Variants in NRG4 observed in about 807,000 individuals in gnomAD.
NRG4 encodes pro-neuregulin-4, membrane-bound isoform.
A neutral mutation model predicts 15.0 loss-of-function variants in NRG4; 10 were observed. The observed-to-expected ratio is 0.67, with a 90% confidence interval of 0.41 to 1.13. The LOEUF (loss-of-function observed/expected upper bound fraction) is 1.13. NRG4 is among the 50% of genes most tolerant of loss of function. The pLI, the probability that NRG4 is intolerant of heterozygous loss-of-function variation, is 0.00. For synonymous variants in NRG4, 41 were observed against 50.1 expected (o/e 0.82, Z 0.77); for missense variants, 139 against 140.2 (o/e 0.99, Z 0.04).
In NRG4 at chr15:75,943,518, G is replaced by T; in HGVS notation, c.*120C>A. 1 of 683,702 alleles carries T rather than the reference G, an allele frequency of 1.5e-6. No homozygotes were observed. The allele number at this position is 683,702 out of a possible 1,614,324, so 42.4% of individuals were successfully genotyped here. On this transcript the variant is annotated 3_prime_UTR_variant, in exon 6 of 6. Transcript: ENST00000394907. ...GAATGGATTATGGTTCATGATACGA[G>T]TTACACAAGCGTTTTATTTAAGAAA...
chr15:76,017,304 C>G (rs1030968281), upstream of NRG4, among the ~76,000 whole-genome samples: 10 of 151,882 alleles, frequency 6.6e-5, no homozygotes, highest in Admixed American at 2.6e-4. Context: ...GTTTGCCAGT[C>G]TGTGTCTTTT....
At chr15:75,979,730 A>ATACTGTATTTT (rs1344207763) in intron 3 of NRG4, among the ~76,000 whole-genome samples, 5 of 152,174 alleles carry the variant, frequency 3.3e-5, no homozygotes, top group Non-Finnish European at 7.4e-5. Context: ...CAAACTGAAT[A>ATACTGTATTTT]TACTGTATTT....
chr15:75,938,197 G>A (rs1459295016), downstream of NRG4: 4 of 152,148 alleles, frequency 2.6e-5, no homozygotes, highest in African/African-American at 9.7e-5. Context: ...AAAAGGAAGA[G>A]AGACTTCAGT....
intron 3 of NRG4, among the ~76,000 whole-genome samples, chr15:75,980,535 A>C (rs1304711245): frequency 6.6e-6 from 1 of 152,194 alleles, no homozygotes; most frequent in Non-Finnish European, 1.5e-5. Context: ...AGAAAGTATA[A>C]GGAAGAATAC....
chr15:75,999,697 T>C (rs1300592984), intron 3 of NRG4, among the ~76,000 whole-genome samples: 1 of 152,112 alleles, frequency 6.6e-6, no homozygotes, highest in Non-Finnish European at 1.5e-5. Flanking sequence ...AGAGTAGCCA[T>C]ATTAAAAAAG....
chr15:76,009,495 CTAAAGATATGGCCATTAACTA>C (rs2034729913), intron 2 of NRG4, among the ~76,000 whole-genome samples: 1 of 151,904 alleles, frequency 6.6e-6, no homozygotes, highest in Non-Finnish European at 1.5e-5. Context: ...AAATTATGTC[CTAAAGATATGGCCATTAACTA>C]TAATGGGTTT....
At chr15:76,048,286 A>G (rs1378908355) in intron 4 of NRG4, among the ~76,000 whole-genome samples, 1 of 150,570 alleles carries the variant, frequency 6.6e-6, no homozygotes, top group African/African-American at 2.5e-5. Flanking sequence ...AGCGTGGCCA[A>G]TGTGGTAAAA....
chr15:76,020,177 G>A (rs1408157646), intron 5 of NRG4, among the ~76,000 whole-genome samples: 1 of 152,022 alleles, frequency 6.6e-6, no homozygotes, highest in Non-Finnish European at 1.5e-5. Context: ...TCCATTGACC[G>A]ACCGTTCCCC....
At chr15:75,999,079 GAATT>G (rs1323836462) in intron 3 of NRG4, among the ~76,000 whole-genome samples, 27 of 152,284 alleles carry the variant, frequency 1.8e-4, no homozygotes, top group African/African-American at 5.8e-4. Context: ...AGTCCAGTAA[GAATT>G]AATACATATA....
intron 4 of NRG4, among the ~76,000 whole-genome samples, chr15:75,961,308 C>A (rs2141814016): frequency 6.6e-6 from 1 of 152,008 alleles, no homozygotes; most frequent in East Asian, 1.9e-4. Flanking sequence ...TGTGAGTTAC[C>A]AGTTTCCCCA....
Position 75,941,940 on chromosome 15 carries a change from C to CAAA in NRG4, c.*1695_*1697dup, listed in dbSNP as rs780414439. The stretch of plus-strand genomic sequence containing the variant: ...TTGCCACAGTAAATTTTTAAACCAC[C>CAAA]AAAAAAAAAAAAAAAAAAAAATATG... On this transcript the variant is annotated 3_prime_UTR_variant, in exon 6 of 6. Transcript: ENST00000394907. 780 of 24,592 alleles carry CAAA rather than the reference C, an allele frequency of 0.032. 7 individuals carry two copies. Among genetic ancestry groups the CAAA allele is most frequent in the African/African-American group, 0.059 (526 of 8,986 alleles). 1.5% of individuals were successfully genotyped at this position (24,592 alleles called of 1,614,324 possible). A position where few individuals can be genotyped will look rare whatever the true frequency, so the allele number is the denominator to read the frequency against.
intron 3 of NRG4, among the ~76,000 whole-genome samples, chr15:76,004,702 T>C (rs1261463963): frequency 6.9e-6 from 1 of 144,536 alleles, no homozygotes; most frequent in African/African-American, 2.6e-5. Context: ...ATATAGAAAA[T>C]AAATAGCAAA....
chr15:76,004,170 T>C (rs2034511115), intron 3 of NRG4, among the ~76,000 whole-genome samples: 1 of 152,232 alleles, frequency 6.6e-6, no homozygotes, highest in African/African-American at 2.4e-5. Context: ...AGCAGAGTTC[T>C]TATATGTGAT....
intron 3 of NRG4, among the ~76,000 whole-genome samples, chr15:75,990,167 A>G (rs764219878): frequency 3.3e-5 from 5 of 152,186 alleles, no homozygotes; most frequent in Non-Finnish European, 7.3e-5. Context: ...GGAGTTTGAC[A>G]CTACACTTGT....
intron 4 of NRG4, among the ~76,000 whole-genome samples, chr15:75,958,761 C>A (rs1490325729): frequency 6.6e-6 from 1 of 152,060 alleles, no homozygotes; most frequent in Non-Finnish European, 1.5e-5. Flanking sequence ...TATTGTTTAG[C>A]CTGCTACAGG....
intron 2 of NRG4, chr15:76,053,096 G>A (rs1297505616): frequency 6.6e-6 from 1 of 150,994 alleles, no homozygotes; most frequent in Non-Finnish European, 1.5e-5. Flanking sequence ...GTAAGCACAA[G>A]TCTCTCTAAA....
rs573417093 is a variant in NRG4 at position 76,035,156 on chromosome 15, A to G, written c.-57+788T>C. ...ACAATGCCCCAGTCTCTTTCTGTCC[A>G]TCTACTCCAAGGTCCACAGCTTGTG... On this transcript the variant is annotated intron_variant, in intron 5 of 8. Transcript: ENST00000563910. Among the ~76,000 whole-genome samples, 575 of 152,318 alleles carry G rather than the reference A, an allele frequency of 3.8e-3. 4 individuals are homozygous for G. The highest frequency in any genetic ancestry group is 3.0e-3 in the Non-Finnish European group (202 of 68,024).
At chr15:75,949,615 TTTC>T (rs1000544844) in intron 5 of NRG4, among the ~76,000 whole-genome samples, 15 of 152,344 alleles carry the variant, frequency 9.8e-5, no homozygotes, top group African/African-American at 3.6e-4. Flanking sequence ...TATGAAATTT[TTTC>T]TTTTTATCGA....
At chr15:76,028,709 G>C (rs1210631273) in intron 5 of NRG4, among the ~76,000 whole-genome samples, 1 of 151,838 alleles carries the variant, frequency 6.6e-6, no homozygotes, top group Non-Finnish European at 1.5e-5. Context: ...AGACCAGCCT[G>C]GCCAATGTAG....
Sources: allele counts gnomAD v4.1 joint callset (sites outside exome capture counted in the v4.1 genomes callset), GRCh38; gene constraint gnomAD v4.1.1; transcripts MANE v1.5; gene names NCBI Gene and HGNC (gene_info 2026-07-23, HGNC 2026-07-21).